GPC6: variants seen among roughly 807,000 people sequenced by gnomAD.
The protein encoded by GPC6 is glypican 6.
A neutral mutation model predicts 55.2 loss-of-function variants in GPC6; 14 were observed. The ratio of observed to expected loss-of-function variants is 0.25; its 90% CI spans 0.17 to 0.40. GPC6 has a LOEUF of 0.40. Ranked by LOEUF, GPC6 falls within the 10% of genes least tolerant of loss-of-function variation. The pLI, the probability that GPC6 is intolerant of heterozygous loss-of-function variation, is 1.00. For synonymous variants in GPC6, 278 were observed against 259.6 expected (o/e 1.07, Z -0.68); for missense variants, 641 against 708.5 (o/e 0.90, Z 1.08).
intron 3 of GPC6, among the ~76,000 whole-genome samples, chr13:94,025,005 C>T (rs996121457): frequency 6.6e-6 from 1 of 152,090 alleles, no homozygotes; most frequent in Non-Finnish European, 1.5e-5. Flanking sequence ...TTATAAAATG[C>T]GTAGCAGTGA....
At chr13:93,512,134 A>T (rs1470881290) in intron 1 of GPC6, among the ~76,000 whole-genome samples, 1 of 152,094 alleles carries the variant, frequency 6.6e-6, no homozygotes, top group Non-Finnish European at 1.5e-5. Context: ...GCAAAAATGG[A>T]CAATTTGACC....
intron 1 of GPC6, among the ~76,000 whole-genome samples, chr13:93,387,908 G>C (rs542182974): frequency 6.6e-6 from 1 of 152,060 alleles, no homozygotes. Flanking sequence ...TATTTCATCA[G>C]TTTTATTTAT....
intron 2 of GPC6, among the ~76,000 whole-genome samples, chr13:93,813,626 TGAG>T (rs1886764423): frequency 6.6e-6 from 1 of 152,088 alleles, no homozygotes; most frequent in Admixed American, 6.6e-5. Flanking sequence ...AAGAATATCT[TGAG>T]GAAAATGGGA....
chr13:94,204,044 A>G (rs1294837381), intron 4 of GPC6, among the ~76,000 whole-genome samples: 2 of 152,140 alleles, frequency 1.3e-5, no homozygotes, highest in Non-Finnish European at 2.9e-5. Context: ...GGAATATCCA[A>G]TAAATTTACA....
chr13:94,259,838 C>G (rs770218838), intron 4 of GPC6, among the ~76,000 whole-genome samples: 11 of 152,118 alleles, frequency 7.2e-5, no homozygotes, highest in Admixed American at 2.6e-4. Context: ...GTGTCATAAT[C>G]TTATGATTTT....
intron 1 of GPC6, among the ~76,000 whole-genome samples, chr13:93,378,455 A>G (rs905480571): frequency 1.3e-5 from 2 of 152,150 alleles, no homozygotes; most frequent in African/African-American, 2.4e-5. Context: ...TCCATATAAC[A>G]CAACTCTTAA....
At chr13:94,201,541 G>T (rs919235212) in intron 4 of GPC6, among the ~76,000 whole-genome samples, 2 of 152,012 alleles carry the variant, frequency 1.3e-5, no homozygotes, top group African/African-American at 2.4e-5. Context: ...TCACTTTTCC[G>T]ATCTTATGAG....
chr13:93,835,695 T>G (rs1442702722), intron 3 of GPC6, among the ~76,000 whole-genome samples: 1 of 152,122 alleles, frequency 6.6e-6, no homozygotes, highest in African/African-American at 2.4e-5. Flanking sequence ...GAGGTTGCAG[T>G]GAGCCAAGAT....
chr13:93,956,990 A>G (rs1879536650), intron 3 of GPC6, among the ~76,000 whole-genome samples: 1 of 152,190 alleles, frequency 6.6e-6, no homozygotes, highest in African/African-American at 2.4e-5. Context: ...AGGAATATCT[A>G]TTGATATGGT....
intron 2 of GPC6, among the ~76,000 whole-genome samples, chr13:93,566,908 G>A (rs1045559810): frequency 2.0e-5 from 3 of 152,030 alleles, no homozygotes; most frequent in Non-Finnish European, 2.9e-5. Context: ...TCTTTTTTAC[G>A]GCTGCATAGT....
At chr13:93,474,886 G>C (rs1879249198) in intron 1 of GPC6, among the ~76,000 whole-genome samples, 1 of 152,170 alleles carries the variant, frequency 6.6e-6, no homozygotes, top group African/African-American at 2.4e-5. Context: ...CTTAGTGCCA[G>C]GGATGGTGGC....
chr13:94,396,855 C>G (rs576715543), intron 7 of GPC6, among the ~76,000 whole-genome samples: 16 of 152,260 alleles, frequency 1.1e-4, no homozygotes, highest in Non-Finnish European at 1.9e-4. Flanking sequence ...TGCACTGGGG[C>G]TCCAGAGCTA....
intron 6 of GPC6, among the ~76,000 whole-genome samples, chr13:94,315,447 T>C (rs895715711): frequency 6.6e-6 from 1 of 152,234 alleles, no homozygotes; most frequent in Non-Finnish European, 1.5e-5. Flanking sequence ...GAGGTTCACC[T>C]GTCACAATGG....
chr13:94,118,824 G>A (rs1434746601), intron 4 of GPC6, among the ~76,000 whole-genome samples: 1 of 152,088 alleles, frequency 6.6e-6, no homozygotes, highest in Non-Finnish European at 1.5e-5. Flanking sequence ...AGCAGAAAGA[G>A]AAACCTACTA....
At position 94,387,730 on chromosome 13, in the gene GPC6, T is replaced by TTTTCTC. The variant is rs10630666; in HGVS notation, c.1289+5181_1289+5182insTTCTCT. Among the ~76,000 whole-genome samples the TTTTCTC allele has an allele frequency of 1.5e-3, 218 of 141,254 alleles. 1 individual carries two copies. The highest frequency in any genetic ancestry group is 5.6e-3 in the African/African-American group (207 of 37,038). The allele number at this position is 141,254 out of a possible 152,430, so 92.7% of individuals were successfully genotyped here. ...TACCCTTGTAAGAGGAGACATGAGT[T>TTTTCTC]TCTCTCTCTCTCTCTCTCTCTCTCT... On this transcript the variant is annotated intron_variant, in intron 7 of 8. Transcript: ENST00000377047.
intron 4 of GPC6, among the ~76,000 whole-genome samples, chr13:94,208,542 G>T (rs1889973878): frequency 6.6e-6 from 1 of 152,050 alleles, no homozygotes; most frequent in African/African-American, 2.4e-5. Context: ...CTCCATGCAG[G>T]GAGGCCAGCG....
intron 4 of GPC6, among the ~76,000 whole-genome samples, chr13:94,189,287 A>C (rs1291771878): frequency 6.6e-6 from 1 of 152,006 alleles, no homozygotes; most frequent in East Asian, 1.9e-4. Context: ...CAGGAGGAGG[A>C]AGAGAAAGAT....
chr13:93,829,250 A>G (rs557783866), intron 2 of GPC6, among the ~76,000 whole-genome samples: 81 of 152,294 alleles, frequency 5.3e-4, no homozygotes, highest in African/African-American at 1.9e-3. Context: ...ACCCAAGCTT[A>G]TTTGTGCAAA....
chr13:93,612,500 A>AACACACACACACACACACACAC lies in GPC6; in HGVS notation c.319+67101_319+67122dup, dbSNP rs3138575. Among the ~76,000 whole-genome samples the AACACACACACACACACACACAC allele has an allele frequency of 5.8e-4, 81 of 139,360 alleles. 1 individual carries two copies. Among genetic ancestry groups the AACACACACACACACACACACAC allele is most frequent in the African/African-American group, 9.4e-4 (35 of 37,310 alleles). The allele number at this position is 139,360 out of a possible 152,430, so 91.4% of individuals were successfully genotyped here. ...GGCGATAGTGCGAGACTCCGTCTAA[A>AACACACACACACACACACACAC]ACACACACACACACACACACACACA... On this transcript the variant is annotated intron_variant, in intron 2 of 8. Coordinates refer to ENST00000377047, the MANE Select transcript of GPC6 (RefSeq NM_005708.5).
Sources: gnomAD v4.1 joint callset for allele counts (sites outside exome capture counted in the v4.1 genomes callset) on GRCh38, gnomAD v4.1.1 for gene constraint, MANE v1.5 for transcripts, NCBI Gene and HGNC (gene_info 2026-07-23, HGNC 2026-07-21) for gene names.